The following SPAG1 variants were observed in gnomAD, a reference collection of about 807,000 sequenced individuals.
SPAG1 encodes the protein sperm associated antigen 1.
SPAG1 carries 69 observed loss-of-function variants against 100.5 expected under a neutral mutation model. That is an observed-to-expected ratio of 0.69 (90% CI 0.57 to 0.84). The LOEUF is 0.84. SPAG1 is among the 40% of genes least tolerant of loss of function. The probability of loss-of-function intolerance (pLI) is 0.00; values close to 1 mark genes in which losing one functional copy is unlikely to be tolerated. For missense variants in SPAG1, 955 were observed against 1,133.1 expected, an observed-to-expected ratio of 0.84 and a Z score of 2.26; for synonymous variants, 336 against 411.6, an observed-to-expected ratio of 0.82 and a Z score of 2.22.
chr8:100,201,038 TATC>T (rs149609917), intron 10 of SPAG1, among the ~76,000 whole-genome samples: 169 of 152,254 alleles, frequency 1.1e-3, no homozygotes, highest in African/African-American at 4.0e-3. Context: ...GTACTTTTGA[TATC>T]ATATATAAGA....
intron 6 of SPAG1, 63 bp from the exon 7 acceptor site, chr8:100,184,565 T>C (rs1816502902): frequency 1.2e-6 from 1 of 839,390 alleles, no homozygotes; most frequent in Non-Finnish European, 1.8e-6. Context: ...CATTCTTAGA[T>C]TTAAACTTGA....
intron 5 of SPAG1, 40 bp downstream of exon 5, chr8:100,183,476 A>C (rs1563779467): frequency 3.1e-6 from 3 of 956,342 alleles, no homozygotes; most frequent in Non-Finnish European, 4.9e-6. Flanking sequence ...TATCACTAAA[A>C]AAGTTATCTA....
At chr8:100,178,907 A>G (rs894592247) in intron 4 of SPAG1, among the ~76,000 whole-genome samples, 10 of 151,906 alleles carry the variant, frequency 6.6e-5, no homozygotes, top group African/African-American at 2.4e-4. Flanking sequence ...AGCCTGGCCA[A>G]CATGGTGAAA....
chr8:100,190,169 T>A (rs1211943350), intron 8 of SPAG1, among the ~76,000 whole-genome samples: 1 of 151,750 alleles, frequency 6.6e-6, no homozygotes, highest in African/African-American at 2.4e-5. Context: ...AAAAATTAGC[T>A]GGATGTGGTG....
intron 14 of SPAG1, among the ~76,000 whole-genome samples, chr8:100,227,016 A>G (rs927295340): frequency 3.9e-5 from 6 of 152,224 alleles, no homozygotes; most frequent in Non-Finnish European, 8.8e-5. Context: ...ACATGCTGTT[A>G]CAGGTTTGTA....
At chr8:100,201,103 T>TTTCC (rs770714931) in intron 10 of SPAG1, among the ~76,000 whole-genome samples, 52 of 152,046 alleles carry the variant, frequency 3.4e-4, no homozygotes, top group East Asian at 7.7e-4. Context: ...TTTATTTCTT[T>TTTCC]TTCCTTCCTT....
chr8:100,186,663 C>T (rs949205803), intron 7 of SPAG1, among the ~76,000 whole-genome samples: 4 of 151,960 alleles, frequency 2.6e-5, no homozygotes, highest in South Asian at 2.1e-4. Context: ...CTAAGGTTGC[C>T]GTAACAAAGT....
At chr8:100,178,254 T>A (rs1037554681) in intron 4 of SPAG1, among the ~76,000 whole-genome samples, 1 of 152,104 alleles carries the variant, frequency 6.6e-6, no homozygotes, top group African/African-American at 2.4e-5. Context: ...GCAAAAGGTC[T>A]GATTCAGTGT....
intron 12 of SPAG1, among the ~76,000 whole-genome samples, chr8:100,215,019 A>AAACTT (rs1817908518): frequency 3.4e-5 from 2 of 59,614 alleles, no homozygotes; most frequent in African/African-American, 1.2e-4. Context: ...ATATATATAT[A>AAACTT]TATATATATA....
At chr8:100,159,644 T>A (rs906611455) in intron 1 of SPAG1, among the ~76,000 whole-genome samples, 7 of 152,234 alleles carry the variant, frequency 4.6e-5, no homozygotes, top group African/African-American at 1.7e-4. Context: ...TATACACACA[T>A]AATTTCCATT....
intron 14 of SPAG1, 109 bp from the exon 15 acceptor site, chr8:100,231,047 C>A: frequency 1.2e-6 from 1 of 864,732 alleles, no homozygotes; most frequent in Non-Finnish European, 1.7e-6. Context: ...ACCCTGCATG[C>A]TGTGTGGTCA....
intron 12 of SPAG1, among the ~76,000 whole-genome samples, chr8:100,219,856 G>A (rs564062169): frequency 3.3e-5 from 5 of 152,324 alleles, no homozygotes; most frequent in African/African-American, 9.6e-5. Flanking sequence ...AAGTTTTAGA[G>A]TGCCGATTTT....
chr8:100,162,354 T>G lies in SPAG1; in HGVS notation c.74T>G (p.Leu25Arg). The change falls in exon 2 of 19, where the codon CTA becomes CGA. Residue 25 changes from leucine (L) to arginine (R), a missense_variant. Physicochemically the swap from Leu to Arg is moderately radical, Grantham distance 102 (BLOSUM62 -2). Transcript: ENST00000388798. ...TKTFKIPIEH[L>R]DFKYIEKCSD... The stretch of plus-strand genomic sequence containing the variant: ...ACATTCAAAATTCCCATTGAACATC[T>G]AGATTTCAAATACATTGAAAAATGT... 1 of 1,601,920 alleles carries G rather than the reference T, an allele frequency of 6.2e-7. No individual in the cohort carries two copies. Among genetic ancestry groups the G allele is most frequent in the Non-Finnish European group, 8.5e-7 (1 of 1,175,020 alleles).
At chr8:100,236,916 CATAAA>C (rs1819032149) in intron 16 of SPAG1, among the ~76,000 whole-genome samples, 1 of 152,088 alleles carries the variant, frequency 6.6e-6, no homozygotes, top group African/African-American at 2.4e-5. Context: ...AAAAGAATAT[CATAAA>C]ATAACTATTG....
At chr8:100,229,406 A>C (rs1384247212) in intron 14 of SPAG1, among the ~76,000 whole-genome samples, 1 of 152,234 alleles carries the variant, frequency 6.6e-6, no homozygotes, top group Non-Finnish European at 1.5e-5. Flanking sequence ...CCCGGGCGAC[A>C]GAGCGAGACT....
intron 8 of SPAG1, among the ~76,000 whole-genome samples, chr8:100,188,900 G>A (rs1316482574): frequency 1.1e-4 from 17 of 152,132 alleles, no homozygotes; most frequent in Admixed American, 1.3e-4. Context: ...TGTGTTTTAC[G>A]CAAGCTGGTC....
At chr8:100,163,939 T>C (rs1217103941) in intron 2 of SPAG1, among the ~76,000 whole-genome samples, 1 of 152,210 alleles carries the variant, frequency 6.6e-6, no homozygotes, top group Non-Finnish European at 1.5e-5. Flanking sequence ...TCAGTGATAA[T>C]ATATTGAACT....
intron 16 of SPAG1, among the ~76,000 whole-genome samples, chr8:100,236,675 T>G (rs763521951): frequency 1.6e-4 from 24 of 152,248 alleles, no homozygotes; most frequent in Non-Finnish European, 3.2e-4. Context: ...CTTTCTTTAA[T>G]GTACAGCTGT....
At position 100,183,450 on chromosome 8, in the gene SPAG1, G is replaced by A. The variant is rs750057925; in HGVS notation, c.488+14G>A. The A allele has an allele frequency of 2.2e-6, 3 of 1,354,140 alleles. No individual in the cohort carries two copies. Among genetic ancestry groups the A allele is most frequent in the South Asian group, 2.6e-5 (2 of 77,192 alleles). The allele number at this position is 1,354,140 out of a possible 1,614,324, so 83.9% of individuals were successfully genotyped here. Reference sequence around the variant, plus strand: ...GGAATGGGATAAGTATGTTTTACATGTCTTTATATAAAATGTATCACTAAA... The same window carrying A: ...GGAATGGGATAAGTATGTTTTACATATCTTTATATAAAATGTATCACTAAA... On this transcript the variant is annotated intron_variant, in intron 5 of 18. Coordinates refer to ENST00000388798, the MANE Select transcript of SPAG1 (RefSeq NM_003114.5).
Sources: gnomAD v4.1 joint callset for allele counts (sites outside exome capture counted in the v4.1 genomes callset) on GRCh38, gnomAD v4.1.1 for gene constraint, MANE v1.5 for transcripts, NCBI Gene and HGNC (gene_info 2026-07-23, HGNC 2026-07-21) for gene names.